Variants in IL36A observed in about 807,000 individuals in gnomAD.
The protein encoded by IL36A is interleukin-36 alpha.
IL36A carries 13 observed loss-of-function variants against 12.7 expected under a neutral mutation model. The observed-to-expected ratio is 1.02, with a 90% CI of 0.67 to 1.63. The LOEUF is 1.63. Ranked by LOEUF, IL36A falls within the 40% of genes most tolerant of loss-of-function variation. The pLI, the probability that IL36A is intolerant of heterozygous loss-of-function variation, is 0.00. For missense variants in IL36A, 195 were observed against 192.9 expected (o/e 1.01, Z -0.07); for synonymous variants, 73 against 71.9 (o/e 1.01, Z -0.08).
chr2:113,007,730 G>A lies in IL36A; in HGVS notation c.265-102G>A. 3.3e-5 allele frequency: 30 copies of A among 895,722 alleles called. 1 individual carries two copies. In the South Asian group the frequency reaches 4.3e-4, roughly 13 times the overall value. The allele number at this position is 895,722 out of a possible 1,614,324, so 55.5% of individuals were successfully genotyped here. On this transcript the variant is annotated intron_variant, in intron 3 of 3. Coordinates refer to ENST00000259211, the MANE Select transcript of IL36A (RefSeq NM_014440.3). ...ACAGAGGTCTCCAAGCTGCTTCAAT[G>A]AGTAGGGAATGCTATCCTTGGACGT...
chr2:113,005,706 T>C lies in IL36A; in HGVS notation c.-166T>C. The C allele has an allele frequency of 1.4e-6, 1 of 731,032 alleles. No homozygotes were observed. Among genetic ancestry groups the C allele is most frequent in the Admixed American group, 2.1e-5 (1 of 47,292 alleles). 45.3% of individuals were successfully genotyped at this position (731,032 alleles called of 1,614,324 possible). ...CAACAAAGTAAGGGTGCTGGGTGAGTTCTGGGAGTATAGATTCTGACTGGG... is the reference window on the plus strand; with the variant it reads ...CAACAAAGTAAGGGTGCTGGGTGAGCTCTGGGAGTATAGATTCTGACTGGG... On this transcript the variant is annotated 5_prime_UTR_variant, in exon 1 of 4. Transcript: ENST00000259211.
In IL36A at chr2:113,005,962, C is replaced by G; in HGVS notation, c.11-12C>G. On this transcript the variant is annotated splice_polypyrimidine_tract_variant and intron_variant, in intron 1 of 3. Coordinates refer to ENST00000259211, the MANE Select transcript of IL36A (RefSeq NM_014440.3). ...TCATTCTTACTAATTTACATTTTGA[C>G]TTTCTCAACAGCATTGAAAATTGAC... is the stretch of plus-strand genomic sequence containing the variant. The G allele has an allele frequency of 1.2e-6, 2 of 1,611,768 alleles. No homozygotes were observed. The highest frequency in any genetic ancestry group is 1.7e-6 in the Non-Finnish European group (2 of 1,177,840).
chr2:113,010,305 A>AT (rs1684708952), downstream of IL36A, among the ~76,000 whole-genome samples: 2 of 151,970 alleles, frequency 1.3e-5, no homozygotes, highest in Non-Finnish European at 2.9e-5. Context: ...TAGAGATTAC[A>AT]TTTTTTCCTG....
chr2:113,009,829 G>A (rs1401718824), downstream of IL36A, among the ~76,000 whole-genome samples: 1 of 152,230 alleles, frequency 6.6e-6, no homozygotes, highest in Non-Finnish European at 1.5e-5. Flanking sequence ...GGGTTTCTGA[G>A]AGTCTACTGT....
At chr2:113,008,695 G>C (rs868403515), downstream of IL36A, 1 of 155,276 alleles carries the variant, frequency 6.4e-6, no homozygotes. Context: ...CCATCAGAAA[G>C]AGGAGACCAA....
downstream of IL36A, chr2:113,008,553 G>T: frequency 3.6e-6 from 1 of 274,368 alleles, no homozygotes; most frequent in Admixed American, 4.6e-5. Flanking sequence ...AGTAGAGACG[G>T]GGTTTCACCA....
In IL36A at chr2:113,007,830, AG is replaced by A. The variant is rs1233889273; in HGVS notation, c.265del. 1.2e-6 allele frequency: 2 copies of A among 1,612,788 alleles called. No individual in the cohort carries two copies. The highest frequency in any genetic ancestry group is 1.7e-6 in the Non-Finnish European group (2 of 1,178,770). Reference sequence around the variant, plus strand: ...TGCTGGTGTCTCCTTCGCACCCTTCAGGAAAAGGATATAATGGATTTGTACA... The same window carrying A: ...TGCTGGTGTCTCCTTCGCACCCTTCAGAAAAGGATATAATGGATTTGTACA... On this transcript the variant is annotated splice_acceptor_variant, in intron 3 of 3. Coordinates refer to ENST00000259211, the MANE Select transcript of IL36A (RefSeq NM_014440.3). LOFTEE classifies it high-confidence loss of function.
downstream of IL36A, among the ~76,000 whole-genome samples, chr2:113,010,195 G>A (rs1684707884): frequency 6.6e-6 from 1 of 152,158 alleles, no homozygotes; most frequent in Non-Finnish European, 1.5e-5. Context: ...GTTTTCCTGA[G>A]CACACTGATG....
rs1270740437 is a variant in IL36A, at chr2:113,005,666, G to T, written c.-206G>T. The T allele has an allele frequency of 1.6e-6, 1 of 629,398 alleles. No individual in the cohort carries two copies. The highest frequency in any genetic ancestry group is 2.9e-6 in the Non-Finnish European group (1 of 348,246). The allele number at this position is 629,398 out of a possible 1,614,324, so 39.0% of individuals were successfully genotyped here. ...TTCATAGGTGCAGCTGCTTCTGCTG[G>T]AGGTAGACTGCATCCAACAAAGTAA... On this transcript the variant is annotated 5_prime_UTR_variant, in exon 1 of 4. Coordinates refer to ENST00000259211, the MANE Select transcript of IL36A (RefSeq NM_014440.3).
intron 3 of IL36A, among the ~76,000 whole-genome samples, chr2:113,006,981 AAC>A (rs1364327379): frequency 2.0e-5 from 3 of 152,212 alleles, no homozygotes; most frequent in Non-Finnish European, 4.4e-5. Flanking sequence ...ACTTCAATAG[AAC>A]ACACACACAG....
downstream of IL36A, among the ~76,000 whole-genome samples, chr2:113,011,025 T>G (rs1684718581): frequency 6.6e-6 from 1 of 152,230 alleles, no homozygotes; most frequent in African/African-American, 2.4e-5. Flanking sequence ...CTCCAGGTTC[T>G]TCCATGTTGT....
intron 2 of IL36A, 31 bp downstream of exon 2, chr2:113,006,118 C>G (rs1296626409): frequency 7.1e-7 from 1 of 1,411,938 alleles, no homozygotes; most frequent in Non-Finnish European, 1.0e-6. Context: ...AAAGGCAGCT[C>G]CTTTGGCCAG....
In IL36A at chr2:113,007,952, G is replaced by T. The variant is rs778385663; in HGVS notation, c.385G>T (p.Ala129Ser). The stretch of plus-strand genomic sequence containing the variant: ...TGTGGCTTTCCCTGGCTGGTTCATC[G>T]CTGTCAGCTCTGAAGGAGGCTGTCC... ...ESVAFPGWFI[A>S]VSSEGGCPLI... is the part of the protein sequence containing the mutation. The change falls in exon 4 of 4, where the codon GCT (alanine) becomes TCT (serine). Residue 129 changes from alanine to serine, a missense_variant. Ala to Ser is a moderately conservative substitution (Grantham distance 99). Coordinates refer to ENST00000259211, the MANE Select transcript of IL36A (RefSeq NM_014440.3). The T allele has an allele frequency of 1.9e-6, 3 of 1,614,010 alleles. No homozygotes were observed. Among genetic ancestry groups the T allele is most frequent in the Non-Finnish European group, 2.5e-6 (3 of 1,180,016 alleles).
In IL36A at chr2:113,005,577, TCCAGG is replaced by T; in HGVS notation, c.-294_-290del. On this transcript the variant is annotated 5_prime_UTR_variant, in exon 1 of 4. It introduces an in-frame stop codon into an upstream open reading frame of the 5' UTR. Coordinates refer to ENST00000259211, the MANE Select transcript of IL36A (RefSeq NM_014440.3). ...CTGGTGACCTCTGATTTTTTTTGCT[TCCAGG>T]TCTTTGGCCTTGGCACTCTTTGTCA... is the stretch of plus-strand genomic sequence containing the variant. 1.1e-5 allele frequency: 6 copies of T among 530,080 alleles called. No individual in the cohort carries two copies. The highest frequency in any genetic ancestry group is 3.2e-5 in the East Asian group (1 of 31,184). 32.8% of individuals were successfully genotyped at this position (530,080 alleles called of 1,614,324 possible).
At chr2:113,008,745 A>T (rs1684684132), downstream of IL36A, among the ~76,000 whole-genome samples, 2 of 152,164 alleles carry the variant, frequency 1.3e-5, no homozygotes, top group Non-Finnish European at 1.5e-5. Context: ...CTTATGTCTC[A>T]GTGAAGTTAC....
At chr2:113,006,205 CT>C (rs1684618344) in intron 2 of IL36A, 118 bp downstream of exon 2, 2 of 717,584 alleles carry the variant, frequency 2.8e-6, no homozygotes, top group Admixed American at 2.0e-5. Context: ...AGAGGAGCAT[CT>C]CACAGACAAT....
At position 113,006,667 on chromosome 2, in the gene IL36A, T is replaced by A; in HGVS notation, c.194T>A (p.Leu65Gln). The A allele has an allele frequency of 6.2e-7, 1 of 1,614,164 alleles. No individual in the cohort carries two copies. Among genetic ancestry groups the A allele is most frequent in the East Asian group, 2.2e-5 (1 of 44,886 alleles). ...LEKDRGNPIY[L>Q]GLNGLNLCLM... ...AAAGACAGAGGGAACCCCATCTACCTGGGCCTGAATGGACTCAATCTCTGC... is the reference window on the plus strand; with the variant it reads ...AAAGACAGAGGGAACCCCATCTACCAGGGCCTGAATGGACTCAATCTCTGC... Residue 65 changes from leucine (L) to glutamine (Q), a missense_variant, in exon 3 of 4, where the codon CTG becomes CAG. Leu to Gln is a moderately radical substitution (Grantham distance 113). Coordinates refer to ENST00000259211, the MANE Select transcript of IL36A (RefSeq NM_014440.3).
chr2:113,008,357 C>CTTT (rs780723737), downstream of IL36A, among the ~76,000 whole-genome samples: 55 of 123,360 alleles, frequency 4.5e-4, no homozygotes, highest in African/African-American at 9.3e-4. Flanking sequence ...GGTGGTGACT[C>CTTT]TTTTTTTTTT....
downstream of IL36A, among the ~76,000 whole-genome samples, chr2:113,009,109 T>C (rs1445004215): frequency 6.6e-6 from 1 of 151,726 alleles, no homozygotes; most frequent in Non-Finnish European, 1.5e-5. Flanking sequence ...CTGAGAATAA[T>C]GGTTTCCAGC....
Sources: allele counts gnomAD v4.1 joint callset (sites outside exome capture counted in the v4.1 genomes callset), GRCh38; gene constraint gnomAD v4.1.1; transcripts MANE v1.5; gene names NCBI Gene and HGNC (gene_info 2026-07-23, HGNC 2026-07-21).